Variants in ZFP64 observed in about 807,000 individuals in gnomAD.
ZFP64 encodes ZFP64 zinc finger protein, also known as zinc finger protein 64.
A neutral mutation model predicts 51.6 loss-of-function variants in ZFP64; 14 were observed. The observed-to-expected ratio is 0.27, with a 90% CI of 0.18 to 0.42. ZFP64 has a LOEUF of 0.42. Among genes scored for constraint, ZFP64 ranks in the 10% least tolerant of loss-of-function variants. ZFP64 has a pLI of 1.00. For missense variants in ZFP64, 754 were observed against 906.8 expected (o/e 0.83, Z 2.16); for synonymous variants, 375 against 361.4 (o/e 1.04, Z -0.43).
intron 2 of ZFP64, among the ~76,000 whole-genome samples, chr20:52,177,463 G>A (rs1302416134): frequency 6.6e-6 from 1 of 151,996 alleles, no homozygotes; most frequent in Non-Finnish European, 1.5e-5. Context: ...TGGAGTTTTG[G>A]GAGTTCATCA....
At chr20:52,173,940 G>A (rs1314834440) in intron 2 of ZFP64, among the ~76,000 whole-genome samples, 3 of 152,074 alleles carry the variant, frequency 2.0e-5, no homozygotes, top group East Asian at 1.9e-4. Context: ...GTGAGCCACC[G>A]GTGCCCAGCC....
At chr20:52,190,791 G>C (rs1235619607) in intron 1 of ZFP64, among the ~76,000 whole-genome samples, 2 of 152,170 alleles carry the variant, frequency 1.3e-5, no homozygotes, top group African/African-American at 2.4e-5. Flanking sequence ...CTATGTGCCA[G>C]ATTTTCTGCA....
chr20:52,107,066 G>A (rs1172316036), intron 5 of ZFP64, among the ~76,000 whole-genome samples: 2 of 151,942 alleles, frequency 1.3e-5, no homozygotes, highest in East Asian at 1.9e-4. Context: ...CAGCCTGGGC[G>A]ACAGAGTGAG....
chr20:52,175,863 C>CAG, intron 2 of ZFP64: 9 of 375,950 alleles, frequency 2.4e-5, no homozygotes, highest in Non-Finnish European at 2.9e-5. Context: ...CCCCCGCTGC[C>CAG]GCCCCCGCCC....
At position 52,191,539 on chromosome 20, in the gene ZFP64, C is replaced by T; in HGVS notation, c.46+52G>A. ...CGCAGACGTGCTTGGGCCCGGGCCC[C>T]GGAGCGCGCACTGGGCCCCGGAGCG... On this transcript the variant is annotated intron_variant, in intron 1 of 5. Coordinates refer to ENST00000216923, the MANE Select transcript of ZFP64 (RefSeq NM_018197.3). This position sits in a 1 kb window ranked among gnomAD's most constrained non-coding sequence, Gnocchi z 4.3. 6.6e-7 allele frequency: 1 copy of T among 1,506,508 alleles called. No homozygotes were observed. 93.3% of individuals were successfully genotyped at this position (1,506,508 alleles called of 1,614,324 possible).
chr20:52,157,073 A>G (rs1981380604), intron 5 of ZFP64, among the ~76,000 whole-genome samples: 2 of 152,252 alleles, frequency 1.3e-5, no homozygotes, highest in African/African-American at 4.8e-5. Context: ...AGCCTGGGAC[A>G]AAGACCATAT....
At chr20:52,105,880 C>G (rs540225280) in intron 5 of ZFP64, among the ~76,000 whole-genome samples, 1 of 152,222 alleles carries the variant, frequency 6.6e-6, no homozygotes, top group Non-Finnish European at 1.5e-5. Flanking sequence ...CCTCACCACC[C>G]CCATCACACA....
chr20:52,099,969 A>C (rs962644488), intron 5 of ZFP64, among the ~76,000 whole-genome samples: 7 of 152,226 alleles, frequency 4.6e-5, no homozygotes, highest in African/African-American at 1.7e-4. Context: ...TAAATCTAAA[A>C]GGAAAAAAGG....
At position 52,152,910 on chromosome 20, in the gene ZFP64, C is replaced by A. The variant is rs142223289; in HGVS notation, c.1282G>T (p.Asp428Tyr). Residue 428 changes from aspartate to tyrosine, a missense_variant, in exon 6 of 6, where the codon GAT (aspartate) becomes TAT (tyrosine). Around this residue, in one of 3 missense-constraint regions of ZFP64, gnomAD observed 428 missense variants for 472.4 expected, o/e 0.91. Coordinates refer to ENST00000216923, the MANE Select transcript of ZFP64 (RefSeq NM_018197.3). ...KLDAKKSFHC[D>Y]ICDASFMRED... is the part of the protein sequence containing the mutation. ...CGCATGAAGGAGGCATCGCATATAT[C>A]GCAGTGGAAACTCTTCTTGGCATCC... is the stretch of plus-strand genomic sequence containing the variant. 1.9e-6 allele frequency: 3 copies of A among 1,613,918 alleles called. No individual in the cohort carries two copies. Among genetic ancestry groups the A allele is most frequent in the African/African-American group, 1.3e-5 (1 of 75,054 alleles).
intron 5 of ZFP64, among the ~76,000 whole-genome samples, chr20:52,139,068 A>T (rs1980123673): frequency 6.6e-6 from 1 of 152,212 alleles, no homozygotes; most frequent in Non-Finnish European, 1.5e-5. Flanking sequence ...AAAAGGAAAC[A>T]TTTGTACACT....
intron 5 of ZFP64, among the ~76,000 whole-genome samples, chr20:52,157,867 T>C (rs1981449009): frequency 6.6e-6 from 1 of 152,086 alleles, no homozygotes; most frequent in South Asian, 2.1e-4. Context: ...CCCCTCCCTG[T>C]GTCCACATGT....
At chr20:52,098,329 G>A in intron 6 of ZFP64, 1 of 1,472,612 alleles carries the variant, frequency 6.8e-7, no homozygotes, top group Non-Finnish European at 9.3e-7. Context: ...ATACTGGCAT[G>A]TTGTCAGCAA....
At chr20:52,114,249 C>A (rs1171340956) in intron 5 of ZFP64, among the ~76,000 whole-genome samples, 1 of 152,262 alleles carries the variant, frequency 6.6e-6, no homozygotes, top group African/African-American at 2.4e-5. Context: ...AACACACACA[C>A]ATGCTGAGCG....
intron 3 of ZFP64, 51 bp from the exon 4 acceptor site, chr20:52,164,808 A>G (rs1170552773): frequency 6.6e-7 from 1 of 1,506,382 alleles, no homozygotes; most frequent in Non-Finnish European, 9.2e-7. Context: ...AGTAACTTTT[A>G]GCATGGAGAA....
At chr20:52,094,526 C>T (rs113856034) in intron 7 of ZFP64, among the ~76,000 whole-genome samples, 7 of 152,026 alleles carry the variant, frequency 4.6e-5, no homozygotes, top group South Asian at 4.2e-4. Context: ...TTTGGAAGGC[C>T]GAGGCAGGAA....
chr20:52,088,711 A>G, intron 7 of ZFP64: 2 of 1,606,564 alleles, frequency 1.2e-6, no homozygotes, highest in Non-Finnish European at 1.7e-6. Flanking sequence ...TTTGACCAAG[A>G]TGATAGCCTG....
intron 5 of ZFP64, among the ~76,000 whole-genome samples, chr20:52,119,533 A>AATATATATAT (rs71192595): frequency 1.1e-5 from 1 of 89,840 alleles, no homozygotes; most frequent in Non-Finnish European, 2.1e-5. Flanking sequence ...AAAAAAAAAA[A>AATATATATAT]ATATATATAT....
chr20:52,180,950 G>A (rs927536817), intron 2 of ZFP64, among the ~76,000 whole-genome samples: 12 of 152,038 alleles, frequency 7.9e-5, no homozygotes, highest in Admixed American at 2.6e-4. Context: ...TTTTTGAGAT[G>A]GACTCTCGCT....
At chr20:52,172,555 A>C (rs1422749094) in intron 2 of ZFP64, among the ~76,000 whole-genome samples, 1 of 152,098 alleles carries the variant, frequency 6.6e-6, no homozygotes, top group Non-Finnish European at 1.5e-5. Context: ...CCCTAGAAGA[A>C]GGTGAAACGC....
Sources: allele counts gnomAD v4.1 joint callset (sites outside exome capture counted in the v4.1 genomes callset), GRCh38; gene constraint gnomAD v4.1.1; regional missense constraint gnomAD v4.1.1; non-coding constraint Gnocchi (gnomAD v3.1); transcripts MANE v1.5; gene names NCBI Gene and HGNC (gene_info 2026-07-23, HGNC 2026-07-21).